Variants in TOLLIP observed in about 807,000 individuals in gnomAD.
TOLLIP encodes the protein toll-interacting protein.
TOLLIP carries 16 observed loss-of-function variants against 33.5 expected under a neutral mutation model. The ratio of observed to expected loss-of-function variants is 0.48; its 90% CI spans 0.32 to 0.72. TOLLIP has a LOEUF of 0.72. TOLLIP is among the 30% of genes least tolerant of loss of function. The pLI is 0.03. For missense variants in TOLLIP, 325 were observed against 396.6 expected, an observed-to-expected ratio of 0.82 and a Z score of 1.53; for synonymous variants, 176 against 163.7, an observed-to-expected ratio of 1.07 and a Z score of -0.57.
rs1017808065 is a variant in TOLLIP, at chr11:1,274,700, C to T, written c.*2339G>A. 3 of 152,260 alleles carry T rather than the reference C, an allele frequency of 2.0e-5. No homozygotes were observed. The highest frequency in any genetic ancestry group is 2.0e-4 in the Admixed American group (3 of 15,278). 9.4% of individuals were successfully genotyped at this position (152,260 alleles called of 1,614,324 possible). ...CACGGAGCTGGCGATCGGCCTGCAT[C>T]TTCAAACCCAGGAGCAGGAGCAGCA... On this transcript the variant is annotated 3_prime_UTR_variant, in exon 6 of 6. Transcript: ENST00000317204.
chr11:1,285,620 C>T (rs182300044), intron 5 of TOLLIP, among the ~76,000 whole-genome samples: 28 of 152,210 alleles, frequency 1.8e-4, no homozygotes, highest in African/African-American at 5.8e-4. Flanking sequence ...ACCCAATGGG[C>T]GTGAGGTTCG....
At position 1,276,933 on chromosome 11, in the gene TOLLIP, G is replaced by A. The variant is rs568971910; in HGVS notation, c.*106C>T. On this transcript the variant is annotated 3_prime_UTR_variant, in exon 6 of 6. Transcript: ENST00000317204. ...GGCACAGAAGTCCACGGGAGGGGGC[G>A]ACACGGGTGCTCTTTCACGGGAATC... The A allele has an allele frequency of 1.1e-5, 17 of 1,576,742 alleles. No individual in the cohort carries two copies. In the South Asian group the frequency reaches 1.6e-4, roughly 15 times the overall value.
intron 5 of TOLLIP, among the ~76,000 whole-genome samples, chr11:1,281,693 C>T (rs984025055): frequency 1.3e-5 from 2 of 152,258 alleles, no homozygotes. Flanking sequence ...CCAGGCCGCC[C>T]TGCGTGCACA....
intron 1 of TOLLIP, among the ~76,000 whole-genome samples, chr11:1,307,603 T>C (rs1864452722): frequency 6.6e-6 from 1 of 152,232 alleles, no homozygotes; most frequent in African/African-American, 2.4e-5. Context: ...CCATCCTGCC[T>C]GGCCACCATG....
intron 5 of TOLLIP, among the ~76,000 whole-genome samples, chr11:1,281,894 G>C (rs958608986): frequency 6.6e-6 from 1 of 152,250 alleles, no homozygotes; most frequent in Non-Finnish European, 1.5e-5. Flanking sequence ...GTCGGCCCGA[G>C]ACGCCCTGAG....
At chr11:1,306,183 G>A (rs1864417729) in intron 1 of TOLLIP, 2 of 152,186 alleles carry the variant, frequency 1.3e-5, no homozygotes, top group African/African-American at 4.8e-5. Context: ...ATCCCTTAGT[G>A]GCTATTCAGG....
intron 1 of TOLLIP, among the ~76,000 whole-genome samples, chr11:1,299,803 G>A (rs1237134232): frequency 2.0e-5 from 3 of 152,254 alleles, no homozygotes; most frequent in Non-Finnish European, 4.4e-5. Flanking sequence ...GCCTGAGGCT[G>A]CGTCACCTGT....
chr11:1,300,464 G>C (rs1054605023), intron 1 of TOLLIP, among the ~76,000 whole-genome samples: 6 of 152,198 alleles, frequency 3.9e-5, no homozygotes, highest in Non-Finnish European at 7.3e-5. Context: ...CAGAAATAAA[G>C]TCTTAATTCT....
chr11:1,296,175 G>C (rs1200797656), intron 1 of TOLLIP, among the ~76,000 whole-genome samples: 1 of 152,242 alleles, frequency 6.6e-6, no homozygotes, highest in African/African-American at 2.4e-5. Context: ...CTGAACTGCA[G>C]GTCACTTGGT....
intron 5 of TOLLIP, among the ~76,000 whole-genome samples, chr11:1,282,005 A>G (rs1046830104): frequency 6.6e-6 from 1 of 152,236 alleles, no homozygotes; most frequent in Non-Finnish European, 1.5e-5. Context: ...TCAGAAGAAA[A>G]TTAGGGCATC....
intron 1 of TOLLIP, among the ~76,000 whole-genome samples, chr11:1,300,870 C>G (rs373551427): frequency 6.6e-6 from 1 of 152,236 alleles, no homozygotes; most frequent in Non-Finnish European, 1.5e-5. Flanking sequence ...CCATGACTGG[C>G]CCCCTGCGGA....
Position 1,278,746 on chromosome 11 carries a change from A to G in TOLLIP, c.611-1493T>C, listed in dbSNP as rs1264160203. ...TCCCCATGCTCATCAGCCTTTCGGC[A>G]ATGACGGAAAACGAACCGAACCATG... On this transcript the variant is annotated intron_variant, in intron 5 of 5. Transcript: ENST00000317204. This position sits in a 1 kb window ranked among gnomAD's most constrained non-coding sequence, Gnocchi z 4.7. 1.3e-5 allele frequency among the ~76,000 whole-genome samples: 2 copies of G among 152,244 alleles called. No homozygotes were observed. The highest frequency in any genetic ancestry group is 6.5e-5 in the Admixed American group (1 of 15,290).
At chr11:1,291,457 C>A (rs1433316407) in intron 2 of TOLLIP, among the ~76,000 whole-genome samples, 2 of 151,914 alleles carry the variant, frequency 1.3e-5, no homozygotes, top group African/African-American at 4.8e-5. Flanking sequence ...CCCCGACCCC[C>A]TCTGAGGGAA....
chr11:1,292,181 C>T (rs1397254511), intron 2 of TOLLIP: 1 of 152,288 alleles, frequency 6.6e-6, no homozygotes, highest in Non-Finnish European at 1.5e-5. Context: ...GCTGCACACC[C>T]ACACATCTGC....
rs190853042 is a variant in TOLLIP, at chr11:1,276,585, G to A, written c.*454C>T. On this transcript the variant is annotated 3_prime_UTR_variant, in exon 6 of 6. Coordinates refer to ENST00000317204, the MANE Select transcript of TOLLIP (RefSeq NM_019009.4). The stretch of plus-strand genomic sequence containing the variant: ...CGTTAGGGCAAGGGCGTGAGTTTTC[G>A]TCTGGGAAGTTCTAAAAAAAACCCA... 4.8e-5 allele frequency: 53 copies of A among 1,092,960 alleles called. No homozygotes were observed. In the East Asian group the frequency reaches 1.4e-3, roughly 29 times the overall value. 67.7% of individuals were successfully genotyped at this position (1,092,960 alleles called of 1,614,324 possible).
In TOLLIP at chr11:1,290,977, C is replaced by T. The variant is rs570384351; in HGVS notation, c.184-568G>A. On this transcript the variant is annotated intron_variant, in intron 2 of 5. Transcript: ENST00000317204. The surrounding 1 kb of genome is among the most constrained non-coding windows in gnomAD (Gnocchi z 4.9). ...GTTTTGGGGACTGGAACTTGTCTTT[C>T]TTGTGTCTCCCAATCACAAGGAGCC... 1 of 153,950 alleles carries T rather than the reference C, an allele frequency of 6.5e-6. No homozygotes were observed. Among genetic ancestry groups the T allele is most frequent in the Admixed American group, 6.4e-5 (1 of 15,598 alleles). The allele number at this position is 153,950 out of a possible 1,614,324, so 9.5% of individuals were successfully genotyped here.
intron 5 of TOLLIP, among the ~76,000 whole-genome samples, chr11:1,279,828 TAA>T (rs1450843352): frequency 6.6e-6 from 1 of 152,138 alleles, no homozygotes; most frequent in Non-Finnish European, 1.5e-5. Context: ...CGCAGCATGG[TAA>T]GTCCCGGCCG....
intron 4 of TOLLIP, among the ~76,000 whole-genome samples, chr11:1,286,859 G>T (rs1863718376): frequency 6.6e-6 from 1 of 151,466 alleles, no homozygotes; most frequent in Non-Finnish European, 1.5e-5. Flanking sequence ...GTTCAAAACT[G>T]TCCACTGCAG....
chr11:1,289,855 C>T (rs1320548063), intron 3 of TOLLIP, among the ~76,000 whole-genome samples: 1 of 150,324 alleles, frequency 6.7e-6, no homozygotes, highest in African/African-American at 2.5e-5. Flanking sequence ...CTGGAAATCC[C>T]ACCTGCTGGT....
Sources: allele counts gnomAD v4.1 joint callset (sites outside exome capture counted in the v4.1 genomes callset), GRCh38; gene constraint gnomAD v4.1.1; non-coding constraint Gnocchi (gnomAD v3.1); transcripts MANE v1.5; gene names NCBI Gene and HGNC (gene_info 2026-07-23, HGNC 2026-07-21).